Variants in DPY19L1 observed in about 807,000 individuals in gnomAD.
The protein encoded by DPY19L1 is protein C-mannosyl-transferase DPY19L1.
In DPY19L1, 35 loss-of-function variants were observed where a neutral mutation model predicts 96.9. The observed-to-expected ratio is 0.36, with a 90% CI of 0.28 to 0.48. DPY19L1 has a LOEUF of 0.48. Among genes scored for constraint, DPY19L1 ranks in the 20% least tolerant of loss-of-function variants. The pLI is 0.99. For missense variants in DPY19L1, 521 were observed against 777.9 expected (o/e 0.67, Z 3.93); for synonymous variants, 205 against 252.6 (o/e 0.81, Z 1.79).
chr7:34,972,730 T>C (rs1482485205), intron 8 of DPY19L1, among the ~76,000 whole-genome samples: 2 of 152,150 alleles, frequency 1.3e-5, no homozygotes, highest in Non-Finnish European at 2.9e-5. Context: ...GCTAAAGAAG[T>C]TTTAAACCCT....
chr7:34,946,328 T>C (rs1375324499), intron 15 of DPY19L1, among the ~76,000 whole-genome samples: 1 of 152,212 alleles, frequency 6.6e-6, no homozygotes, highest in Non-Finnish European at 1.5e-5. Context: ...TCGAGATCAG[T>C]TCTGGTCAAA....
intron 16 of DPY19L1, among the ~76,000 whole-genome samples, chr7:34,943,183 A>G (rs1784063481): frequency 6.6e-6 from 1 of 152,208 alleles, no homozygotes; most frequent in Non-Finnish European, 1.5e-5. Flanking sequence ...CTGTTAATCC[A>G]GGTAGCATAT....
chr7:34,945,739 T>G, intron 15 of DPY19L1, 23 bp from the exon 16 acceptor site: 1 of 1,526,244 alleles, frequency 6.6e-7, no homozygotes, highest in Non-Finnish European at 9.0e-7. Flanking sequence ...TTTGAAACAC[T>G]TTAGAAAAGC....
intron 4 of DPY19L1, among the ~76,000 whole-genome samples, chr7:35,012,027 G>C (rs1452544809): frequency 6.6e-6 from 1 of 152,202 alleles, no homozygotes; most frequent in Non-Finnish European, 1.5e-5. Context: ...TCCGGGCTGA[G>C]GCACTCATTC....
At chr7:35,004,643 C>T (rs1002161962) in intron 6 of DPY19L1, among the ~76,000 whole-genome samples, 1 of 152,134 alleles carries the variant, frequency 6.6e-6, no homozygotes, top group Non-Finnish European at 1.5e-5. Flanking sequence ...TAACATTTTA[C>T]ACATAAAAAA....
chr7:35,018,009 C>T (rs1173921608), intron 2 of DPY19L1, 40 bp from the exon 3 acceptor site: 2 of 1,406,244 alleles, frequency 1.4e-6, no homozygotes, highest in Admixed American at 2.2e-5. Context: ...AAAACTTACA[C>T]TCTAAGTATT....
intron 21 of DPY19L1, among the ~76,000 whole-genome samples, chr7:34,935,522 G>C (rs971033808): frequency 6.6e-6 from 1 of 152,040 alleles, no homozygotes; most frequent in African/African-American, 2.4e-5. Flanking sequence ...GAATAATCAA[G>C]CCATACAATT....
chr7:35,037,844 CCGGTGCGAGGACGCGGGGG>C, upstream of DPY19L1: 1 of 1,232,956 alleles, frequency 8.1e-7, no homozygotes, highest in South Asian at 4.1e-5. Context: ...CGGGGCTCGG[CCGGTGCGAGGACGCGGGGG>C]CGGACGGCCT....
chr7:34,931,947 C>T (rs1180901069), intron 21 of DPY19L1, among the ~76,000 whole-genome samples: 5 of 152,140 alleles, frequency 3.3e-5, no homozygotes. Context: ...AGGAAAGAAA[C>T]AGACCTGTAG....
At chr7:34,978,805 C>T (rs745587465) in intron 7 of DPY19L1, among the ~76,000 whole-genome samples, 1 of 151,994 alleles carries the variant, frequency 6.6e-6, no homozygotes, top group Non-Finnish European at 1.5e-5. Flanking sequence ...ATCCAAAAAA[C>T]CAAAATCTGA....
At chr7:34,975,857 T>C (rs1439783050) in intron 7 of DPY19L1, among the ~76,000 whole-genome samples, 2 of 152,232 alleles carry the variant, frequency 1.3e-5, no homozygotes. Flanking sequence ...ACATCTGTTT[T>C]AGCATGATTG....
intron 16 of DPY19L1, among the ~76,000 whole-genome samples, chr7:34,944,365 C>CAAAAAAA (rs60937482): frequency 4.9e-5 from 4 of 82,300 alleles, no homozygotes; most frequent in South Asian, 4.8e-4. Context: ...GGCTCTGTCT[C>CAAAAAAA]AAAAAAAAAA....
intron 1 of DPY19L1, 131 bp from the exon 2 acceptor site, chr7:35,018,727 C>A (rs1484118141): frequency 1.5e-5 from 11 of 753,102 alleles, no homozygotes; most frequent in Middle Eastern, 3.7e-4. Context: ...TCAAAAAAGT[C>A]CCAGGGCTAC....
intron 9 of DPY19L1, among the ~76,000 whole-genome samples, chr7:34,969,039 CACA>C (rs1432293944): frequency 3.3e-5 from 5 of 151,908 alleles, no homozygotes; most frequent in Admixed American, 6.6e-5. Flanking sequence ...CAAGAATGTA[CACA>C]ACTATTCATA....
chr7:34,947,051 T>C (rs372966959), intron 15 of DPY19L1, among the ~76,000 whole-genome samples: 1 of 152,348 alleles, frequency 6.6e-6, no homozygotes, highest in Admixed American at 6.5e-5. Context: ...TTCATTCTCT[T>C]AAGACACATT....
chr7:35,015,964 A>G (rs1785837501), intron 3 of DPY19L1, among the ~76,000 whole-genome samples: 1 of 152,372 alleles, frequency 6.6e-6, no homozygotes, highest in South Asian at 2.1e-4. Context: ...ATAATTTGAA[A>G]CCAAGATTCT....
intron 1 of DPY19L1, among the ~76,000 whole-genome samples, chr7:35,021,490 A>T (rs1459827671): frequency 2.0e-5 from 3 of 152,210 alleles, no homozygotes; most frequent in African/African-American, 7.2e-5. Flanking sequence ...ATTTCAACTC[A>T]GTAACAATGA....
intron 6 of DPY19L1, among the ~76,000 whole-genome samples, chr7:34,990,774 A>G (rs1785150194): frequency 6.6e-6 from 1 of 152,150 alleles, no homozygotes; most frequent in African/African-American, 2.4e-5. Context: ...CTTCTCACTC[A>G]TTTTAGCTCA....
chr7:34,941,626 C>A (rs1473852977), intron 18 of DPY19L1, 139 bp downstream of exon 18: 2 of 644,794 alleles, frequency 3.1e-6, no homozygotes, highest in Non-Finnish European at 5.3e-6. Flanking sequence ...GGCCCTTACC[C>A]TTTAAGAAAG....
Sources: gnomAD v4.1 joint callset for allele counts (sites outside exome capture counted in the v4.1 genomes callset) on GRCh38, gnomAD v4.1.1 for gene constraint, MANE v1.5 for transcripts, NCBI Gene and HGNC (gene_info 2026-07-23, HGNC 2026-07-21) for gene names.